The following TFCP2 variants were observed in gnomAD, a reference collection of about 807,000 sequenced individuals.
TFCP2 encodes transcription factor CP2, also known as alpha-globin transcription factor CP2.
In TFCP2, 33 loss-of-function variants were observed where a neutral mutation model predicts 73.4. That is an observed-to-expected ratio of 0.45 (90% CI 0.34 to 0.60). The LOEUF (loss-of-function observed/expected upper bound fraction) is 0.60, where lower values mean the gene tolerates loss of function less well. Ranked by LOEUF, TFCP2 falls within the 20% of genes least tolerant of loss-of-function variation. The pLI, the probability that TFCP2 is intolerant of heterozygous loss-of-function variation, is 0.01. For synonymous variants in TFCP2, 193 were observed against 211.6 expected (o/e 0.91, Z 0.76); for missense variants, 352 against 604.0 (o/e 0.58, Z 4.37).
chr12:51,124,423 CTTT>C (rs746371798), intron 1 of TFCP2, among the ~76,000 whole-genome samples: 13 of 148,762 alleles, frequency 8.7e-5, no homozygotes, highest in African/African-American at 1.7e-4. Flanking sequence ...TCTTCTTCTT[CTTT>C]TTTTTTTAAG....
At chr12:51,144,585 T>C (rs556300313) in intron 1 of TFCP2, among the ~76,000 whole-genome samples, 20 of 152,340 alleles carry the variant, frequency 1.3e-4, no homozygotes, top group African/African-American at 4.3e-4. Context: ...GATGGACTTT[T>C]CAATAAATTA....
At chr12:51,111,913 T>C (rs1940411663) in intron 4 of TFCP2, among the ~76,000 whole-genome samples, 1 of 151,800 alleles carries the variant, frequency 6.6e-6, no homozygotes, top group Non-Finnish European at 1.5e-5. Context: ...TCCCAGCACT[T>C]TGGGAGGCCA....
intron 1 of TFCP2, 87 bp from the exon 2 acceptor site, chr12:51,118,859 G>A: frequency 1.4e-6 from 2 of 1,443,470 alleles, no homozygotes; most frequent in Admixed American, 1.8e-5. Flanking sequence ...CAATGCTTTG[G>A]AAAGCCATAA....
chr12:51,156,637 GTTC>G (rs71089761), intron 1 of TFCP2, among the ~76,000 whole-genome samples: 24,972 of 152,180 alleles, frequency 0.16, 2,388 homozygotes, highest in South Asian at 0.26. Context: ...ATTGGTGTTA[GTTC>G]TTCTTGAAAT....
At chr12:51,146,548 T>C (rs1277926322) in intron 1 of TFCP2, among the ~76,000 whole-genome samples, 1 of 152,114 alleles carries the variant, frequency 6.6e-6, no homozygotes, top group Non-Finnish European at 1.5e-5. Flanking sequence ...ATTAAAATAA[T>C]GGCTAGGATG....
chr12:51,149,021 T>G (rs1462079350), intron 1 of TFCP2, among the ~76,000 whole-genome samples: 1 of 6,572 alleles, frequency 1.5e-4, no homozygotes, highest in African/African-American at 1.9e-4. Flanking sequence ...CAAGACTCCA[T>G]CTCAAAAAAA....
intron 1 of TFCP2, among the ~76,000 whole-genome samples, chr12:51,149,630 C>T (rs1280527471): frequency 2.0e-5 from 3 of 152,028 alleles, no homozygotes; most frequent in African/African-American, 4.8e-5. Flanking sequence ...GATGGAGGCT[C>T]GCTCTGTCAC....
At chr12:51,154,429 C>A (rs1468255518) in intron 1 of TFCP2, among the ~76,000 whole-genome samples, 1 of 152,222 alleles carries the variant, frequency 6.6e-6, no homozygotes, top group Non-Finnish European at 1.5e-5. Flanking sequence ...CACAGTGGCT[C>A]ACGCCGGTAA....
intron 1 of TFCP2, among the ~76,000 whole-genome samples, chr12:51,161,428 C>T (rs1941646127): frequency 6.6e-6 from 1 of 151,772 alleles, no homozygotes. Context: ...CGCCTGCAAT[C>T]CCAGCACTTT....
In TFCP2 at chr12:51,106,563, G is replaced by A; in HGVS notation, c.879C>T (p.Gly293=). The change falls in exon 8 of 15, where the codon GGC becomes GGT. Residue 293 remains glycine, a synonymous_variant. Transcript: ENST00000257915. ...ITYVNNSPSP[G]FNSSHSSFSL... ...AAAAACTGCTATGGGAACTGTTGAA[G>A]CCAGGTGATGGGGAGTTATTGACAT... 6.2e-7 allele frequency: 1 copy of A among 1,613,622 alleles called. No individual in the cohort carries two copies. Among genetic ancestry groups the A allele is most frequent in the African/African-American group, 1.3e-5 (1 of 75,008 alleles).
At chr12:51,149,791 G>A (rs1378291047) in intron 1 of TFCP2, among the ~76,000 whole-genome samples, 1 of 151,974 alleles carries the variant, frequency 6.6e-6, no homozygotes, top group Non-Finnish European at 1.5e-5. Flanking sequence ...AGTAGAGACG[G>A]GGTTTCGCCA....
At chr12:51,130,734 C>T (rs541111652) in intron 1 of TFCP2, among the ~76,000 whole-genome samples, 1 of 152,246 alleles carries the variant, frequency 6.6e-6, no homozygotes, top group African/African-American at 2.4e-5. Flanking sequence ...CGCCTGTATT[C>T]CTAGTACTTT....
chr12:51,139,460 C>T (rs186514217), intron 1 of TFCP2, among the ~76,000 whole-genome samples: 3 of 152,194 alleles, frequency 2.0e-5, no homozygotes, highest in African/African-American at 7.2e-5. Flanking sequence ...AAGTCTCAAA[C>T]TCCTGGGCCC....
At chr12:51,168,888 G>A (rs1394250176) in intron 1 of TFCP2, among the ~76,000 whole-genome samples, 2 of 151,650 alleles carry the variant, frequency 1.3e-5, no homozygotes, top group African/African-American at 2.4e-5. Context: ...TGCAACTTCC[G>A]CCTCCCGGGT....
intron 1 of TFCP2, among the ~76,000 whole-genome samples, chr12:51,124,245 A>G (rs1460334465): frequency 6.6e-6 from 1 of 151,910 alleles, no homozygotes; most frequent in Non-Finnish European, 1.5e-5. Context: ...ACAGGTATGC[A>G]CCACCATGTC....
chr12:51,165,812 C>T (rs1300068414), intron 1 of TFCP2, among the ~76,000 whole-genome samples: 1 of 152,100 alleles, frequency 6.6e-6, no homozygotes, highest in East Asian at 1.9e-4. Flanking sequence ...ATTCAGCAAA[C>T]TAGGAATAGA....
chr12:51,159,218 G>C (rs1941601373), intron 1 of TFCP2, among the ~76,000 whole-genome samples: 2 of 151,632 alleles, frequency 1.3e-5, no homozygotes, highest in Admixed American at 1.3e-4. Flanking sequence ...AAATCTACTG[G>C]ACATCACTTC....
intron 1 of TFCP2, among the ~76,000 whole-genome samples, chr12:51,128,435 C>G (rs1940861663): frequency 6.6e-6 from 1 of 150,808 alleles, no homozygotes; most frequent in African/African-American, 2.4e-5. Context: ...ATGTAACAAC[C>G]TGCACATTGT....
chr12:51,113,699 ACAG>A (rs1940453966), intron 4 of TFCP2, among the ~76,000 whole-genome samples: 2 of 152,226 alleles, frequency 1.3e-5, no homozygotes, highest in Non-Finnish European at 2.9e-5. Context: ...AGGCATAAAG[ACAG>A]ACATTTAAAC....
Sources: allele counts gnomAD v4.1 joint callset (sites outside exome capture counted in the v4.1 genomes callset), GRCh38; gene constraint gnomAD v4.1.1; transcripts MANE v1.5; gene names NCBI Gene and HGNC (gene_info 2026-07-23, HGNC 2026-07-21).